CPPED1: variants seen among roughly 807,000 people sequenced by gnomAD.
CPPED1 encodes serine/threonine-protein phosphatase CPPED1.
Under a neutral mutation model 28.0 loss-of-function variants are expected in CPPED1, and 28 were observed. The observed-to-expected ratio is 1.00, with a 90% CI of 0.74 to 1.37. CPPED1 has a LOEUF of 1.37. Among genes scored for constraint, CPPED1 ranks in the 40% most tolerant of loss-of-function variants. CPPED1 has a pLI of 0.00. For missense variants in CPPED1, 504 were observed against 416.5 expected, an observed-to-expected ratio of 1.21 and a Z score of -1.83; for synonymous variants, 198 against 180.2, an observed-to-expected ratio of 1.10 and a Z score of -0.79.
chr16:12,782,867 T>C (rs1483206072), intron 1 of CPPED1, among the ~76,000 whole-genome samples: 1 of 151,420 alleles, frequency 6.6e-6, no homozygotes, highest in African/African-American at 2.4e-5. Flanking sequence ...TGAGACTCTA[T>C]CTCAATAATA....
chr16:12,718,969 G>A (rs938051303), intron 2 of CPPED1, among the ~76,000 whole-genome samples: 4 of 151,962 alleles, frequency 2.6e-5, no homozygotes, highest in Non-Finnish European at 5.9e-5. Flanking sequence ...AAGCAAAAAA[G>A]TTTCACGGGC....
chr16:12,705,147 A>T, intron 2 of CPPED1, 98 bp from the exon 3 acceptor site: 1 of 1,278,592 alleles, frequency 7.8e-7, no homozygotes, highest in Non-Finnish European at 1.1e-6. Context: ...AAAAAAGAGT[A>T]ATCTGGAAAT....
At chr16:12,751,150 A>G (rs909543479) in intron 2 of CPPED1, among the ~76,000 whole-genome samples, 13 of 152,180 alleles carry the variant, frequency 8.5e-5, no homozygotes, top group African/African-American at 3.1e-4. Context: ...ACAATCAAAA[A>G]CCCAAAACTC....
At chr16:12,688,628 C>T (rs573913612) in intron 3 of CPPED1, among the ~76,000 whole-genome samples, 17 of 152,168 alleles carry the variant, frequency 1.1e-4, no homozygotes, top group Admixed American at 8.5e-4. Context: ...TGATTCATCG[C>T]GCCCAGCCCC....
intron 2 of CPPED1, among the ~76,000 whole-genome samples, chr16:12,767,664 G>A (rs767832028): frequency 1.3e-5 from 2 of 152,176 alleles, no homozygotes; most frequent in Admixed American, 6.5e-5. Flanking sequence ...AACCTACGCC[G>A]AGAAATTGCC....
chr16:12,672,912 G>A (rs556382786), intron 3 of CPPED1, among the ~76,000 whole-genome samples: 1 of 152,286 alleles, frequency 6.6e-6, no homozygotes, highest in South Asian at 2.1e-4. Context: ...TACTTGGGAG[G>A]CTGAGGCATA....
chr16:12,725,604 G>T (rs13331944), intron 2 of CPPED1, among the ~76,000 whole-genome samples: 4,219 of 152,220 alleles, frequency 0.028, 223 homozygotes, highest in African/African-American at 0.095. Context: ...TTCAGCTGCA[G>T]GGGGTCCAGC....
At chr16:12,671,022 T>C (rs1181619967) in intron 3 of CPPED1, among the ~76,000 whole-genome samples, 1 of 152,038 alleles carries the variant, frequency 6.6e-6, no homozygotes, top group Non-Finnish European at 1.5e-5. Context: ...AGCTCACTTT[T>C]GTATTTTTAG....
chr16:12,680,024 G>C (rs2079896962), intron 3 of CPPED1, among the ~76,000 whole-genome samples: 1 of 152,130 alleles, frequency 6.6e-6, no homozygotes, highest in African/African-American at 2.4e-5. Context: ...GATTACCTGG[G>C]AGACTTTATC....
intron 2 of CPPED1, among the ~76,000 whole-genome samples, chr16:12,713,052 G>A (rs1203340544): frequency 6.6e-6 from 1 of 151,884 alleles, no homozygotes; most frequent in African/African-American, 2.4e-5. Flanking sequence ...CTCTCAGAAA[G>A]AGAGAAAATG....
At chr16:12,730,704 C>T (rs770421386) in intron 2 of CPPED1, among the ~76,000 whole-genome samples, 14 of 152,140 alleles carry the variant, frequency 9.2e-5, no homozygotes, top group Admixed American at 3.3e-4. Flanking sequence ...GAGTCAATAC[C>T]GCATGATTTC....
intron 1 of CPPED1, among the ~76,000 whole-genome samples, chr16:12,798,282 A>G (rs2080639099): frequency 6.6e-6 from 1 of 152,280 alleles, no homozygotes; most frequent in South Asian, 2.1e-4. Flanking sequence ...ACTCACAGGA[A>G]CTCTCAAATA....
chr16:12,714,959 ATT>A (rs58231925), intron 2 of CPPED1, among the ~76,000 whole-genome samples: 5 of 149,274 alleles, frequency 3.3e-5, no homozygotes, highest in South Asian at 2.1e-4. Flanking sequence ...TTTTGAGTTC[ATT>A]TTTTTTTTTA....
At chr16:12,789,640 G>A (rs528497780) in intron 1 of CPPED1, among the ~76,000 whole-genome samples, 5 of 151,962 alleles carry the variant, frequency 3.3e-5, no homozygotes, top group East Asian at 1.9e-4. Context: ...ATCCTCCCAC[G>A]TCAGCCTCTG....
chr16:12,666,078 C>T (rs57088183), intron 3 of CPPED1, among the ~76,000 whole-genome samples: 7,572 of 152,036 alleles, frequency 0.05, 560 homozygotes, highest in African/African-American at 0.16. Flanking sequence ...ATCGTGCCAC[C>T]GCACTCCAGC....
chr16:12,774,900 A>G (rs2080488955), intron 2 of CPPED1, among the ~76,000 whole-genome samples: 1 of 152,058 alleles, frequency 6.6e-6, no homozygotes, highest in Non-Finnish European at 1.5e-5. Flanking sequence ...CGGCTCACTG[A>G]AGCTTGGACT....
At chr16:12,760,692 A>T (rs1005860968) in intron 2 of CPPED1, 3 of 152,206 alleles carry the variant, frequency 2.0e-5, no homozygotes, top group African/African-American at 7.2e-5. Context: ...TCCCTAGATC[A>T]GGGACTCTGG....
intron 2 of CPPED1, among the ~76,000 whole-genome samples, chr16:12,769,510 C>T (rs776036164): frequency 1.3e-5 from 2 of 152,024 alleles, no homozygotes; most frequent in Admixed American, 6.6e-5. Flanking sequence ...GGTGGAAGGG[C>T]GATCACACAC....
At chr16:12,711,881 G>C (rs550965031) in intron 2 of CPPED1, among the ~76,000 whole-genome samples, 3 of 152,258 alleles carry the variant, frequency 2.0e-5, no homozygotes, top group Admixed American at 2.0e-4. Flanking sequence ...TATGTAGTAT[G>C]TGCATACCTT....
Sources: gnomAD v4.1 joint callset for allele counts (sites outside exome capture counted in the v4.1 genomes callset) on GRCh38, gnomAD v4.1.1 for gene constraint, MANE v1.5 for transcripts, NCBI Gene and HGNC (gene_info 2026-07-23, HGNC 2026-07-21) for gene names.